Variants in NEGR1 observed in about 807,000 individuals in gnomAD.
NEGR1 encodes the protein IgLON family member 4.
NEGR1 carries 10 observed loss-of-function variants against 40.9 expected under a neutral mutation model. That is an observed-to-expected ratio of 0.24 (90% CI 0.15 to 0.42). The LOEUF (loss-of-function observed/expected upper bound fraction) is 0.42. Among genes scored for constraint, NEGR1 ranks in the 10% least tolerant of loss-of-function variants. The pLI, the probability that NEGR1 is intolerant of heterozygous loss-of-function variation, is 1.00. For synonymous variants in NEGR1, 185 were observed against 166.8 expected (o/e 1.11, Z -0.84); for missense variants, 352 against 438.9 (o/e 0.80, Z 1.77).
rs545181964 is a variant in NEGR1 at position 71,999,746 on chromosome 1, A to G, written c.177-64435T>C. Among the ~76,000 whole-genome samples the G allele has an allele frequency of 1.2e-4, 18 of 145,924 alleles. 1 individual carries two copies. In the South Asian group the frequency reaches 3.9e-3, roughly 31 times the overall value. On this transcript the variant is annotated intron_variant, in intron 1 of 6. Coordinates refer to ENST00000357731, the MANE Select transcript of NEGR1 (RefSeq NM_173808.3). ...GGAGTCTCTTGTAGTCACTAAACATACATACATTTTACTTTGTTTACATAC... is the reference window on the plus strand; with the variant it reads ...GGAGTCTCTTGTAGTCACTAAACATGCATACATTTTACTTTGTTTACATAC...
At chr1:71,556,989 T>C (rs934616607) in intron 6 of NEGR1, among the ~76,000 whole-genome samples, 53 of 151,742 alleles carry the variant, frequency 3.5e-4, no homozygotes, top group African/African-American at 1.1e-3. Flanking sequence ...TTTTGCAAAG[T>C]ATGAAAATGC....
intron 2 of NEGR1, among the ~76,000 whole-genome samples, chr1:71,915,786 A>G (rs1265303469): frequency 6.6e-6 from 1 of 152,226 alleles, no homozygotes; most frequent in Non-Finnish European, 1.5e-5. Flanking sequence ...TAGTAATAAT[A>G]ACATAAATTA....
At chr1:72,217,125 T>C (rs1351322040) in intron 1 of NEGR1, among the ~76,000 whole-genome samples, 2 of 151,774 alleles carry the variant, frequency 1.3e-5, no homozygotes, top group Non-Finnish European at 2.9e-5. Context: ...GCTTGTATTT[T>C]TCTGAAAGCC....
intron 1 of NEGR1, among the ~76,000 whole-genome samples, chr1:72,148,566 T>C (rs1650997887): frequency 6.6e-6 from 1 of 152,050 alleles, no homozygotes; most frequent in African/African-American, 2.4e-5. Flanking sequence ...AGGCTGCAAA[T>C]TTTCTGAAAT....
At chr1:71,872,874 A>T (rs1322336769) in intron 2 of NEGR1, among the ~76,000 whole-genome samples, 1 of 152,114 alleles carries the variant, frequency 6.6e-6, no homozygotes, top group Non-Finnish European at 1.5e-5. Context: ...GTTTGTTGCC[A>T]TGTGGACATT....
At chr1:72,256,950 A>C (rs984899586) in intron 1 of NEGR1, among the ~76,000 whole-genome samples, 2 of 152,192 alleles carry the variant, frequency 1.3e-5, no homozygotes, top group Non-Finnish European at 2.9e-5. Context: ...TCTAGAAGTA[A>C]CACAAACACT....
At chr1:71,703,309 G>T (rs1653763270) in intron 3 of NEGR1, 1 of 151,892 alleles carries the variant, frequency 6.6e-6, no homozygotes, top group African/African-American at 2.4e-5. Context: ...AAAATAATTT[G>T]CAGGTGATAC....
intron 1 of NEGR1, among the ~76,000 whole-genome samples, chr1:71,957,253 C>T (rs1407876082): frequency 8.6e-5 from 13 of 151,982 alleles, no homozygotes; most frequent in South Asian, 6.2e-4. Context: ...ATTTAGTCTA[C>T]GGAGCAGAAA....
chr1:72,080,652 T>C (rs1411543708), intron 1 of NEGR1, among the ~76,000 whole-genome samples: 2 of 152,094 alleles, frequency 1.3e-5, no homozygotes, highest in African/African-American at 4.8e-5. Flanking sequence ...ATTATACACC[T>C]GGAGTTGTAT....
chr1:71,806,898 G>C (rs540189), intron 2 of NEGR1, among the ~76,000 whole-genome samples: 2 of 135,754 alleles, frequency 1.5e-5, no homozygotes, highest in Non-Finnish European at 3.0e-5. Flanking sequence ...GTTTTTTTTT[G>C]TTTTTTTTTT....
At chr1:71,794,948 A>C (rs2101740393) in intron 2 of NEGR1, among the ~76,000 whole-genome samples, 1 of 152,212 alleles carries the variant, frequency 6.6e-6, no homozygotes, top group South Asian at 2.1e-4. Context: ...CACAATTTTA[A>C]AAAGGGGAAA....
At chr1:71,869,284 CTT>C (rs952776769) in intron 2 of NEGR1, among the ~76,000 whole-genome samples, 9 of 152,156 alleles carry the variant, frequency 5.9e-5, no homozygotes, top group Admixed American at 5.9e-4. Flanking sequence ...GTCCTCAAAA[CTT>C]TGATTATATA....
chr1:71,873,284 T>A (rs1424698061), intron 2 of NEGR1, among the ~76,000 whole-genome samples: 1 of 151,850 alleles, frequency 6.6e-6, no homozygotes, highest in African/African-American at 2.4e-5. Flanking sequence ...ATTAAATATA[T>A]AAAGTCCATG....
chr1:71,438,835 G>GGCTGGCAAGTCTC (rs1646527483), intron 6 of NEGR1, among the ~76,000 whole-genome samples: 1 of 152,158 alleles, frequency 6.6e-6, no homozygotes, highest in African/African-American at 2.4e-5. Context: ...TGATCTAGAA[G>GGCTGGCAAGTCTC]GCTGGCAAGT....
chr1:71,828,457 G>C (rs1658720919), intron 2 of NEGR1, among the ~76,000 whole-genome samples: 1 of 151,884 alleles, frequency 6.6e-6, no homozygotes, highest in African/African-American at 2.4e-5. Context: ...CCCTGTTGTT[G>C]CTATATAGGT....
intron 3 of NEGR1, among the ~76,000 whole-genome samples, chr1:71,734,839 T>G (rs2101668577): frequency 6.6e-6 from 1 of 152,284 alleles, no homozygotes; most frequent in East Asian, 1.9e-4. Flanking sequence ...TTGATCATCT[T>G]AAATGCTTTC....
intron 2 of NEGR1, among the ~76,000 whole-genome samples, chr1:71,906,588 G>A (rs370380571): frequency 5.7e-4 from 86 of 151,410 alleles, no homozygotes; most frequent in African/African-American, 2.0e-3. Flanking sequence ...TAGGTACAGA[G>A]TCATTTCATC....
chr1:71,762,004 G>T (rs573460635), intron 3 of NEGR1, among the ~76,000 whole-genome samples: 15 of 152,072 alleles, frequency 9.9e-5, no homozygotes, highest in Admixed American at 9.8e-4. Context: ...TGTATGCAGA[G>T]AAAATATTTA....
intron 1 of NEGR1, among the ~76,000 whole-genome samples, chr1:71,983,211 T>C (rs1290767742): frequency 1.3e-5 from 2 of 152,154 alleles, no homozygotes; most frequent in Non-Finnish European, 2.9e-5. Context: ...AGAAAAATGC[T>C]GATTCAAAGT....
Sources: gnomAD v4.1 joint callset for allele counts (sites outside exome capture counted in the v4.1 genomes callset) on GRCh38, gnomAD v4.1.1 for gene constraint, MANE v1.5 for transcripts, NCBI Gene and HGNC (gene_info 2026-07-23, HGNC 2026-07-21) for gene names.